SCRG1: variants seen among roughly 807,000 people sequenced by gnomAD.
The protein encoded by SCRG1 is scrapie-responsive protein 1.
In SCRG1, 3 loss-of-function variants were observed where a neutral mutation model predicts 7.7. The observed-to-expected ratio is 0.39, with a 90% CI of 0.18 to 1.01. The LOEUF is 1.01. Among genes scored for constraint, SCRG1 ranks in the 50% least tolerant of loss-of-function variants. SCRG1 has a pLI of 0.36. For missense variants in SCRG1, 110 were observed against 117.2 expected, an observed-to-expected ratio of 0.94 and a Z score of 0.28; for synonymous variants, 46 against 41.2, an observed-to-expected ratio of 1.12 and a Z score of -0.44.
At chr4:173,487,564 A>C in the SCRG1 span, among the ~76,000 whole-genome samples, 5 of 152,166 alleles carry the variant, frequency 3.3e-5, no homozygotes, top group Non-Finnish European at 5.9e-5. Flanking sequence ...AAAGGAAGTA[A>C]ATTTAAAATG....
At chr4:173,445,464 C>A in the SCRG1 span, among the ~76,000 whole-genome samples, 3 of 151,636 alleles carry the variant, frequency 2.0e-5, no homozygotes, top group South Asian at 4.2e-4. Context: ...CGCCTGTAAT[C>A]CCAGCTACTT....
At chr4:173,420,434 A>G in the SCRG1 span, among the ~76,000 whole-genome samples, 1 of 152,242 alleles carries the variant, frequency 6.6e-6, no homozygotes, top group Non-Finnish European at 1.5e-5. Context: ...TATTTTTAAT[A>G]AATGAAAACA....
the SCRG1 span, among the ~76,000 whole-genome samples, chr4:173,485,188 A>AT: frequency 1.6e-4 from 18 of 110,756 alleles, 2 homozygotes; most frequent in African/African-American, 6.3e-4. Context: ...ATTACATTAT[A>AT]TGTAATATAT....
At chr4:173,444,997 G>T in the SCRG1 span, among the ~76,000 whole-genome samples, 1 of 152,040 alleles carries the variant, frequency 6.6e-6, no homozygotes, top group East Asian at 1.9e-4. Context: ...ATGTTAAAAT[G>T]ATACCAAAAT....
At chr4:173,400,469 G>A (rs1739733326), upstream of SCRG1, among the ~76,000 whole-genome samples, 1 of 152,194 alleles carries the variant, frequency 6.6e-6, no homozygotes, top group African/African-American at 2.4e-5. Flanking sequence ...AGTTGAGAAT[G>A]TTTAGTAGGC....
At chr4:173,421,397 C>G in the SCRG1 span, among the ~76,000 whole-genome samples, 1 of 101,922 alleles carries the variant, frequency 9.8e-6, no homozygotes, top group African/African-American at 3.4e-5. Flanking sequence ...ATCTGTTTCT[C>G]TGTTTTGGTT....
intron 1 of SCRG1, among the ~76,000 whole-genome samples, chr4:173,391,770 A>C (rs1842559): frequency 0.032 from 4,857 of 152,286 alleles, 157 homozygotes; most frequent in African/African-American, 0.085. Flanking sequence ...TCTACAAAAA[A>C]TTAAAAAATT....
At chr4:173,457,833 C>T in the SCRG1 span, among the ~76,000 whole-genome samples, 4 of 152,106 alleles carry the variant, frequency 2.6e-5, no homozygotes, top group Non-Finnish European at 5.9e-5. Context: ...TAGTGGTGTC[C>T]TGCTGTCCCT....
the SCRG1 span, among the ~76,000 whole-genome samples, chr4:173,457,072 G>A: frequency 6.6e-6 from 1 of 152,238 alleles, no homozygotes; most frequent in Non-Finnish European, 1.5e-5. Flanking sequence ...AGGAGCAAAT[G>A]TATTTGTTTC....
chr4:173,443,943 T>TTTTGTGTG, the SCRG1 span, among the ~76,000 whole-genome samples: 1 of 138,696 alleles, frequency 7.2e-6, no homozygotes, highest in Admixed American at 7.2e-5. Context: ...AGAGCTTGTT[T>TTTTGTGTG]TGTGTGTGTG....
the SCRG1 span, among the ~76,000 whole-genome samples, chr4:173,455,843 G>A: frequency 5.9e-5 from 9 of 152,252 alleles, no homozygotes; most frequent in East Asian, 3.9e-4. Flanking sequence ...CCCAAGCCAC[G>A]TCACCTTGGG....
the SCRG1 span, among the ~76,000 whole-genome samples, chr4:173,502,217 CG>C: frequency 1.1e-5 from 1 of 94,586 alleles, no homozygotes. This position sits in a 1 kb window ranked among gnomAD's most constrained non-coding sequence, Gnocchi z 4.6. Context: ...TATGGTGGGG[CG>C]GGGAGGGGTG....
the SCRG1 span, among the ~76,000 whole-genome samples, chr4:173,456,805 A>G: frequency 1.3e-5 from 2 of 152,192 alleles, no homozygotes; most frequent in African/African-American, 4.8e-5. Flanking sequence ...CTCCAAAGAG[A>G]TAGGATTGAA....
chr4:173,440,398 G>T, the SCRG1 span, among the ~76,000 whole-genome samples: 6 of 152,176 alleles, frequency 3.9e-5, no homozygotes, highest in African/African-American at 1.4e-4. Flanking sequence ...TGAAATTTTG[G>T]CAGGCATGGC....
At chr4:173,476,570 G>A in the SCRG1 span, among the ~76,000 whole-genome samples, 9 of 151,768 alleles carry the variant, frequency 5.9e-5, no homozygotes, top group Non-Finnish European at 1.3e-4. Flanking sequence ...CATATGGACA[G>A]GGAAAGTTCC....
chr4:173,430,002 T>G, the SCRG1 span, among the ~76,000 whole-genome samples: 1 of 956 alleles, frequency 1.0e-3, no homozygotes, highest in Non-Finnish European at 0.013. Flanking sequence ...GGCTATGGGT[T>G]TTTTTTTTTG....
the SCRG1 span, among the ~76,000 whole-genome samples, chr4:173,501,924 C>G: frequency 3.3e-5 from 5 of 152,208 alleles, no homozygotes; most frequent in Non-Finnish European, 7.3e-5. The surrounding 1 kb of genome is among the most constrained non-coding windows in gnomAD (Gnocchi z 5.1). Flanking sequence ...TCTATTGTCT[C>G]AGCACCTACT....
At chr4:173,510,423 C>CAT in the SCRG1 span, among the ~76,000 whole-genome samples, 1,994 of 149,160 alleles carry the variant, frequency 0.013, 29 homozygotes, top group African/African-American at 0.032. This position sits in a 1 kb window ranked among gnomAD's most constrained non-coding sequence, Gnocchi z 5.7. Context: ...AGGCCAAAAC[C>CAT]ATATATATAT....
upstream of SCRG1, among the ~76,000 whole-genome samples, chr4:173,401,996 CTT>C (rs1352089420): frequency 6.6e-6 from 1 of 152,162 alleles, no homozygotes; most frequent in Admixed American, 6.5e-5. Context: ...TGAAACCACT[CTT>C]TGTTTTCCTG....
Sources: gnomAD v4.1 joint callset for allele counts (sites outside exome capture counted in the v4.1 genomes callset) on GRCh38, gnomAD v4.1.1 for gene constraint, Gnocchi (gnomAD v3.1) non-coding constraint, MANE v1.5 for transcripts, NCBI Gene and HGNC (gene_info 2026-07-23, HGNC 2026-07-21) for gene names.